REV3L: variants seen among roughly 807,000 people sequenced by gnomAD.
The protein encoded by REV3L is DNA polymerase zeta catalytic subunit.
REV3L carries 69 observed loss-of-function variants against 299.4 expected under a neutral mutation model. The ratio of observed to expected loss-of-function variants is 0.23; its 90% CI spans 0.19 to 0.28. The LOEUF (loss-of-function observed/expected upper bound fraction) is 0.28, where lower values mean the gene tolerates loss of function less well. Among genes scored for constraint, REV3L ranks in the 10% least tolerant of loss-of-function variants. The probability of loss-of-function intolerance (pLI) is 1.00; values close to 1 mark genes in which losing one functional copy is unlikely to be tolerated. For missense variants in REV3L, 3,128 were observed against 3,693.8 expected, an observed-to-expected ratio of 0.85 and a Z score of 3.97; for synonymous variants, 1,238 against 1,271.4, an observed-to-expected ratio of 0.97 and a Z score of 0.56.
intron 1 of REV3L, among the ~76,000 whole-genome samples, chr6:111,434,656 G>A (rs1483954394): frequency 1.3e-5 from 2 of 150,082 alleles, no homozygotes; most frequent in African/African-American, 4.9e-5. Flanking sequence ...CAGTAAAGTT[G>A]TAGGATACAA....
chr6:111,387,816 A>C lies in REV3L; in HGVS notation c.1045T>G (p.Cys349Gly). ...SEVLSPEMLQ[C>G]TPANMVEVHK... is the part of the protein sequence containing the mutation. ...ACTTCTACCATATTGGCTGGTGTAC[A>C]CTGAAGCATTTCAGGAGACAGAACC... The change falls in exon 9 of 32, where the codon TGT (cysteine) becomes GGT (glycine). Residue 349 changes from cysteine (C) to glycine (G), a missense_variant. By Grantham distance (159) the Cys-to-Gly change is radical. This residue lies in a region of REV3L where 2,409 missense variants were observed against 2,611.8 expected (regional missense o/e 0.92). Transcript: ENST00000368802. 2 of 1,613,964 alleles carry C rather than the reference A, an allele frequency of 1.2e-6. No homozygotes were observed. Among genetic ancestry groups the C allele is most frequent in the Non-Finnish European group, 1.7e-6 (2 of 1,179,930 alleles).
rs577898764 is a variant in REV3L at position 111,393,242 on chromosome 6, G to A, written c.566-270C>T. Among the ~76,000 whole-genome samples, 245 of 152,124 alleles carry A rather than the reference G, an allele frequency of 1.6e-3. 3 individuals are homozygous for A. Among genetic ancestry groups the A allele is most frequent in the African/African-American group, 5.2e-3 (216 of 41,500 alleles). ...TCACCGTGTTAGCCAGGATGGTCTC[G>A]ATCTGACCTTGTGATCCGCCTGCCT... On this transcript the variant is annotated intron_variant, in intron 4 of 31. Coordinates refer to ENST00000368802, the MANE Select transcript of REV3L (RefSeq NM_001372078.1).
At chr6:111,474,321 G>A (rs1217428587) in intron 1 of REV3L, among the ~76,000 whole-genome samples, 1 of 152,136 alleles carries the variant, frequency 6.6e-6, no homozygotes, top group African/African-American at 2.4e-5. Flanking sequence ...CCTGGAGCTG[G>A]GCCACCAGAG....
At chr6:111,380,682 A>G (rs1780744951) in intron 10 of REV3L, among the ~76,000 whole-genome samples, 1 of 152,250 alleles carries the variant, frequency 6.6e-6, no homozygotes, top group Admixed American at 6.5e-5. Flanking sequence ...CTCTCCTATC[A>G]AAGTTGATCC....
At chr6:111,434,223 T>C (rs530854693) in intron 1 of REV3L, among the ~76,000 whole-genome samples, 6 of 152,054 alleles carry the variant, frequency 3.9e-5, no homozygotes, top group Non-Finnish European at 7.4e-5. Flanking sequence ...ATAAAGAGTA[T>C]CCAAATTGGA....
At chr6:111,308,841 T>C (rs967947366) in intron 30 of REV3L, among the ~76,000 whole-genome samples, 1 of 152,254 alleles carries the variant, frequency 6.6e-6, no homozygotes, top group Non-Finnish European at 1.5e-5. Flanking sequence ...AATGTGTTTG[T>C]AGAATACTTA....
At chr6:111,443,177 TCAGA>T (rs899753506) in intron 1 of REV3L, among the ~76,000 whole-genome samples, 16 of 151,986 alleles carry the variant, frequency 1.1e-4, no homozygotes, top group Non-Finnish European at 1.8e-4. Flanking sequence ...TTTTTTTTTC[TCAGA>T]CAGAGTCTTT....
intron 1 of REV3L, among the ~76,000 whole-genome samples, chr6:111,461,843 A>AG (rs1177018802): frequency 6.6e-6 from 1 of 152,118 alleles, no homozygotes; most frequent in Non-Finnish European, 1.5e-5. Context: ...GTAATCCAAA[A>AG]GAAAAAAAGA....
At chr6:111,482,728 C>T (rs773703546) in intron 1 of REV3L, 22 bp downstream of exon 1, 8 of 1,328,970 alleles carry the variant, frequency 6.0e-6, no homozygotes, top group Non-Finnish European at 6.8e-6. Flanking sequence ...CCGCTCCCGC[C>T]CCGCGCCCGG....
At chr6:111,323,231 A>G (rs1354502241) in intron 25 of REV3L, among the ~76,000 whole-genome samples, 1 of 152,112 alleles carries the variant, frequency 6.6e-6, no homozygotes, top group African/African-American at 2.4e-5. Context: ...TTCGTGATCC[A>G]CCCACCTCGG....
At chr6:111,383,974 T>G (rs1781083189) in intron 9 of REV3L, among the ~76,000 whole-genome samples, 1 of 152,134 alleles carries the variant, frequency 6.6e-6, no homozygotes, top group African/African-American at 2.4e-5. Flanking sequence ...TCGTTTTTGA[T>G]GAAGGTGCCA....
At chr6:111,395,689 A>T (rs986800082) in intron 4 of REV3L, among the ~76,000 whole-genome samples, 24 of 152,054 alleles carry the variant, frequency 1.6e-4, no homozygotes, top group Non-Finnish European at 3.5e-4. Context: ...GGTGTCTTTT[A>T]TTACCTGATT....
chr6:111,390,236 AT>A, intron 5 of REV3L, 56 bp from the exon 6 acceptor site: 1 of 1,074,026 alleles, frequency 9.3e-7, no homozygotes. Context: ...ACTTTCTAAC[AT>A]TTTTCTTACT....
intron 26 of REV3L, among the ~76,000 whole-genome samples, chr6:111,320,768 G>C (rs910752988): frequency 7.9e-5 from 12 of 152,068 alleles, no homozygotes; most frequent in Admixed American, 7.2e-4. Flanking sequence ...CCACCTCACA[G>C]CCTCCCAAGC....
intron 31 of REV3L, among the ~76,000 whole-genome samples, chr6:111,307,056 T>A (rs778977795): frequency 1.3e-5 from 2 of 152,174 alleles, no homozygotes; most frequent in Non-Finnish European, 2.9e-5. Flanking sequence ...CATTTTGAAT[T>A]TTGATTTTTC....
At chr6:111,467,070 G>A (rs1176791983) in intron 1 of REV3L, among the ~76,000 whole-genome samples, 1 of 152,166 alleles carries the variant, frequency 6.6e-6, no homozygotes, top group African/African-American at 2.4e-5. Flanking sequence ...TTTCTGCCAT[G>A]CCCCACTAAT....
At chr6:111,361,889 G>C (rs1350155595) in intron 16 of REV3L, among the ~76,000 whole-genome samples, 1 of 152,128 alleles carries the variant, frequency 6.6e-6, no homozygotes, top group Non-Finnish European at 1.5e-5. Context: ...GAGGAAAGCC[G>C]GTTATCGGGA....
chr6:111,442,180 GT>G, intron 1 of REV3L, among the ~76,000 whole-genome samples: 1 of 152,344 alleles, frequency 6.6e-6, no homozygotes, highest in East Asian at 1.9e-4. Context: ...TTGGTTGACA[GT>G]GTTGTTCAAG....
intron 16 of REV3L, chr6:111,361,460 T>C (rs1408799890): frequency 1.4e-5 from 2 of 145,158 alleles, no homozygotes; most frequent in Admixed American, 1.4e-4. Flanking sequence ...GATGAACATA[T>C]GAAAAGACAT....
Sources: allele counts gnomAD v4.1 joint callset (sites outside exome capture counted in the v4.1 genomes callset), GRCh38; gene constraint gnomAD v4.1.1; regional missense constraint gnomAD v4.1.1; transcripts MANE v1.5; gene names NCBI Gene and HGNC (gene_info 2026-07-23, HGNC 2026-07-21).